The following NBEAL1 variants were observed in gnomAD, a reference collection of about 807,000 sequenced individuals.
The protein encoded by NBEAL1 is neurobeachin like 1.
Under a neutral mutation model 351.3 loss-of-function variants are expected in NBEAL1, and 273 were observed. That is an observed-to-expected ratio of 0.78 (90% CI 0.70 to 0.86). The LOEUF is 0.86. Among genes scored for constraint, NBEAL1 ranks in the 40% least tolerant of loss-of-function variants. The probability of loss-of-function intolerance (pLI) is 0.00; values close to 1 mark genes in which losing one functional copy is unlikely to be tolerated. For missense variants in NBEAL1, 2,961 were observed against 3,201.3 expected (o/e 0.92, Z 1.81); for synonymous variants, 1,050 against 1,086.4 (o/e 0.97, Z 0.66).
In NBEAL1 at chr2:203,110,236, A is replaced by G; in HGVS notation, c.2036A>G (p.Tyr679Cys). 1 of 1,553,210 alleles carries G rather than the reference A, an allele frequency of 6.4e-7. No individual in the cohort carries two copies. ...GTGGCAGTGTGCACAAAAAGAGAAT[A>G]TGCAACGGTTATGCTTCCTGACCAC... is the stretch of plus-strand genomic sequence containing the variant. ...LVVAVCTKREYATVMLPDHSF... is the reference protein window; with the variant it reads ...LVVAVCTKRECATVMLPDHSF... The change falls in exon 15 of 56, where the codon TAT (tyrosine) becomes TGT (cysteine). Residue 679 changes from tyrosine to cysteine, a missense_variant. Tyr to Cys is a radical substitution (Grantham distance 194, BLOSUM62 -2). Coordinates refer to ENST00000683969, the MANE Select transcript of NBEAL1 (RefSeq NM_001378026.1).
intron 8 of NBEAL1, among the ~76,000 whole-genome samples, chr2:203,082,993 A>T (rs1440578845): frequency 6.6e-6 from 1 of 152,190 alleles, no homozygotes. Context: ...ACTATGTCAC[A>T]TGGCTACCCT....
chr2:203,105,555 C>G (rs897557577), intron 12 of NBEAL1, among the ~76,000 whole-genome samples: 1 of 151,872 alleles, frequency 6.6e-6, no homozygotes, highest in African/African-American at 2.4e-5. Context: ...CCTGATGTAT[C>G]TCCAAGTTTT....
At chr2:203,015,283 G>C (rs533093523) in intron 1 of NBEAL1, among the ~76,000 whole-genome samples, 105 of 152,304 alleles carry the variant, frequency 6.9e-4, no homozygotes, top group African/African-American at 2.4e-3. Context: ...ACACTTGGAT[G>C]CTTCTTTGGG....
At chr2:203,095,204 T>G (rs187565857) in intron 10 of NBEAL1, among the ~76,000 whole-genome samples, 54 of 152,366 alleles carry the variant, frequency 3.5e-4, no homozygotes, top group African/African-American at 1.2e-3. Flanking sequence ...TACCTAGTCT[T>G]TACAGCTGCT....
At chr2:203,178,907 C>G (rs948896354) in intron 42 of NBEAL1, among the ~76,000 whole-genome samples, 2 of 152,146 alleles carry the variant, frequency 1.3e-5, no homozygotes, top group Admixed American at 6.6e-5. Context: ...TTTGAATCAT[C>G]CACTTAAAAC....
chr2:203,020,023 AATAATT>A, intron 2 of NBEAL1, among the ~76,000 whole-genome samples: 1 of 150,822 alleles, frequency 6.6e-6, no homozygotes, highest in Non-Finnish European at 1.5e-5. Flanking sequence ...TTAATTGATA[AATAATT>A]TTAATTGATA....
At chr2:203,066,781 C>G (rs906768454) in intron 6 of NBEAL1, among the ~76,000 whole-genome samples, 1 of 149,180 alleles carries the variant, frequency 6.7e-6, no homozygotes, top group Non-Finnish European at 1.5e-5. Flanking sequence ...CCAGACGGGG[C>G]GGCCGGGCAG....
chr2:203,025,468 T>G (rs1364453710), intron 2 of NBEAL1, among the ~76,000 whole-genome samples: 3 of 152,254 alleles, frequency 2.0e-5, no homozygotes, highest in African/African-American at 4.8e-5. Context: ...CTACATTTGC[T>G]ACAGCTTTTT....
intron 6 of NBEAL1, among the ~76,000 whole-genome samples, chr2:203,066,077 C>A (rs1390661204): frequency 6.6e-6 from 1 of 152,100 alleles, no homozygotes; most frequent in Non-Finnish European, 1.5e-5. Flanking sequence ...TAAATTCTTA[C>A]CACAAATATA....
At chr2:203,079,500 C>A (rs994056284) in intron 8 of NBEAL1, among the ~76,000 whole-genome samples, 2 of 152,080 alleles carry the variant, frequency 1.3e-5, no homozygotes, top group African/African-American at 4.8e-5. Context: ...TTTTTTCCAT[C>A]CAAGTTTATA....
intron 44 of NBEAL1, among the ~76,000 whole-genome samples, chr2:203,184,907 A>C (rs1390915492): frequency 1.3e-5 from 2 of 152,000 alleles, no homozygotes; most frequent in East Asian, 3.9e-4. Flanking sequence ...AAAAAAAAAA[A>C]AAAAAAGTTT....
At position 203,208,726 on chromosome 2, in the gene NBEAL1, G is replaced by C; in HGVS notation, c.7596G>C (p.Glu2532Asp). The C allele has an allele frequency of 6.2e-7, 1 of 1,602,064 alleles. No individual in the cohort carries two copies. The highest frequency in any genetic ancestry group is 8.5e-7 in the Non-Finnish European group (1 of 1,176,904). Reference protein sequence around the residue: ...NEVLSVGISTELDMAVSGSRD... With the variant: ...NEVLSVGISTDLDMAVSGSRD... Reference sequence around the variant, plus strand: ...TACTGAGTGTCGGCATCAGCACTGAGCTAGACATGGCAGTGTCAGGATCAA... The same window carrying C: ...TACTGAGTGTCGGCATCAGCACTGACCTAGACATGGCAGTGTCAGGATCAA... The change falls in exon 52 of 56, where the codon GAG (glutamate) becomes GAC (aspartate). Residue 2532 changes from glutamate to aspartate, a missense_variant. Transcript: ENST00000683969.
At chr2:203,213,491 T>C in intron 54 of NBEAL1, 27 bp from the exon 55 acceptor site, 1 of 1,584,388 alleles carries the variant, frequency 6.3e-7, no homozygotes, top group Non-Finnish European at 8.6e-7. Flanking sequence ...CGTGTAATTA[T>C]GTCTGTATTT....
At chr2:203,125,070 T>G (rs1033973841) in intron 19 of NBEAL1, among the ~76,000 whole-genome samples, 4 of 152,290 alleles carry the variant, frequency 2.6e-5, no homozygotes, top group Non-Finnish European at 5.9e-5. Context: ...AAAGTCCACT[T>G]ATGGGGCTAT....
At chr2:203,203,918 T>A (rs137982182) in intron 51 of NBEAL1, among the ~76,000 whole-genome samples, 2 of 147,472 alleles carry the variant, frequency 1.4e-5, no homozygotes, top group Non-Finnish European at 3.1e-5. Flanking sequence ...GTTTTTTGTG[T>A]TTTTTTTGTT....
chr2:203,193,778 T>C lies in NBEAL1; in HGVS notation c.6922-17T>C, dbSNP rs1169174439. 5.1e-6 allele frequency: 8 copies of C among 1,571,942 alleles called. No individual in the cohort carries two copies. Among genetic ancestry groups the C allele is most frequent in the Non-Finnish European group, 7.0e-6 (8 of 1,146,258 alleles). On this transcript the variant is annotated splice_polypyrimidine_tract_variant and intron_variant, in intron 46 of 55. Transcript: ENST00000683969. The stretch of plus-strand genomic sequence containing the variant: ...AACATAGATATGGAATTGTTTTTCC[T>C]TAAAATTATTTTGAAGGAACCACAC...
chr2:203,183,529 A>G (rs559840452), intron 44 of NBEAL1, 141 bp downstream of exon 44: 1 of 525,644 alleles, frequency 1.9e-6, no homozygotes, highest in Admixed American at 3.7e-5. Context: ...AGTACAATAT[A>G]GCAATTTATT....
At chr2:203,029,460 C>A (rs942549734) in intron 2 of NBEAL1, among the ~76,000 whole-genome samples, 1 of 152,156 alleles carries the variant, frequency 6.6e-6, no homozygotes, top group Non-Finnish European at 1.5e-5. Flanking sequence ...TATTAGTTAT[C>A]TGAATGGATA....
chr2:203,167,271 A>T lies in NBEAL1; in HGVS notation c.5908A>T (p.Ile1970Phe). The T allele has an allele frequency of 6.2e-7, 1 of 1,611,984 alleles. No individual in the cohort carries two copies. The highest frequency in any genetic ancestry group is 8.5e-7 in the Non-Finnish European group (1 of 1,179,138). ...GTGGCCTCATTCTCAAATTCGAGAG[A>T]TTCATCTCCGGCGTTACAATTTAAG... ...FKWPHSQIREIHLRRYNLRRS... is the reference protein window; with the variant it reads ...FKWPHSQIREFHLRRYNLRRS... Residue 1970 changes from isoleucine to phenylalanine, a missense_variant, in exon 38 of 56, where the codon ATT becomes TTT. Ile to Phe is a conservative substitution (Grantham distance 21). Transcript: ENST00000683969.
Sources: allele counts gnomAD v4.1 joint callset (sites outside exome capture counted in the v4.1 genomes callset), GRCh38; gene constraint gnomAD v4.1.1; transcripts MANE v1.5; gene names NCBI Gene and HGNC (gene_info 2026-07-23, HGNC 2026-07-21).